The following BCAR3 variants were observed in gnomAD, a reference collection of about 807,000 sequenced individuals.
BCAR3 encodes BCAR3 adaptor protein, NSP family member.
In BCAR3, 37 loss-of-function variants were observed where a neutral mutation model predicts 80.1. The observed-to-expected ratio is 0.46, with a 90% confidence interval of 0.36 to 0.61. The LOEUF is 0.61. Among genes scored for constraint, BCAR3 ranks in the 20% least tolerant of loss-of-function variants. The pLI is 0.00. For missense variants in BCAR3, 978 were observed against 1,068.2 expected (o/e 0.92, Z 1.18); for synonymous variants, 389 against 418.9 (o/e 0.93, Z 0.87).
At chr1:93,637,560 A>T (rs1675832095) in intron 3 of BCAR3, among the ~76,000 whole-genome samples, 1 of 152,132 alleles carries the variant, frequency 6.6e-6, no homozygotes, top group Non-Finnish European at 1.5e-5. Context: ...AAAGAGTGGA[A>T]GTGAGCCTAG....
At chr1:93,834,675 T>G (rs1557704256) in intron 2 of BCAR3, among the ~76,000 whole-genome samples, 1 of 152,218 alleles carries the variant, frequency 6.6e-6, no homozygotes, top group Non-Finnish European at 1.5e-5. Context: ...GCCCTCAAAA[T>G]CACAAACTAT....
chr1:93,841,399 G>A (rs1654955570), intron 2 of BCAR3, among the ~76,000 whole-genome samples: 1 of 152,200 alleles, frequency 6.6e-6, no homozygotes, highest in African/African-American at 2.4e-5. Context: ...TTTTGTTTGT[G>A]CAGGGACAAG....
intron 3 of BCAR3, among the ~76,000 whole-genome samples, chr1:93,609,370 C>T (rs1557858754): frequency 6.6e-6 from 1 of 152,196 alleles, no homozygotes; most frequent in Admixed American, 6.5e-5. Flanking sequence ...CTGAGACTTA[C>T]TGATTCCATC....
chr1:93,638,614 T>C (rs1029676952), intron 3 of BCAR3, among the ~76,000 whole-genome samples: 2 of 152,160 alleles, frequency 1.3e-5, no homozygotes, highest in Non-Finnish European at 2.9e-5. Flanking sequence ...GGGTAAGGTA[T>C]GCTAGGTACG....
chr1:93,583,865 G>A (rs190129292), intron 6 of BCAR3, among the ~76,000 whole-genome samples, 153 bp downstream of exon 6: 6 of 152,296 alleles, frequency 3.9e-5, no homozygotes, highest in East Asian at 3.9e-4. Flanking sequence ...GTGCTTCGCC[G>A]CCGGATATAA....
intron 2 of BCAR3, among the ~76,000 whole-genome samples, chr1:93,839,223 G>A (rs919847399): frequency 6.6e-6 from 1 of 152,140 alleles, no homozygotes; most frequent in Non-Finnish European, 1.5e-5. Flanking sequence ...AATCGTGGAG[G>A]TTGCAGTGAG....
chr1:93,572,561 A>ATCTT (rs1217367355), intron 8 of BCAR3, among the ~76,000 whole-genome samples: 9 of 152,214 alleles, frequency 5.9e-5, no homozygotes, highest in Non-Finnish European at 1.0e-4. Context: ...AAGCAGGGTG[A>ATCTT]TCTTTTCTCC....
chr1:93,568,981 C>T (rs556920330), intron 9 of BCAR3, among the ~76,000 whole-genome samples: 13 of 152,146 alleles, frequency 8.5e-5, no homozygotes, highest in Non-Finnish European at 1.9e-4. Context: ...GACACCATGC[C>T]TGCTACTCAT....
Position 93,582,476 on chromosome 1 carries a change from A to G in BCAR3, c.1511T>C (p.Phe504Ser), listed in dbSNP as rs769691162. The change falls in exon 7 of 12, where the codon TTT (phenylalanine) becomes TCT (serine). Residue 504 changes from phenylalanine to serine, a missense_variant. Physicochemically the swap from Phe to Ser is radical, Grantham distance 155 (BLOSUM62 -2). Transcript: ENST00000260502. Reference protein sequence around the residue: ...MEKGQWDKGEFVTPLLETVSS... With the variant: ...MEKGQWDKGESVTPLLETVSS... ...GACAGTCTCCAGGAGGGGCGTCACA[A>G]ACTCGCCCTTGTCCCACTGCCCCTT... 55 of 1,614,006 alleles carry G rather than the reference A, an allele frequency of 3.4e-5. No individual in the cohort carries two copies. The highest frequency in any genetic ancestry group is 4.4e-5 in the Non-Finnish European group (52 of 1,180,014).
chr1:93,568,731 T>C (rs772333161), intron 9 of BCAR3, among the ~76,000 whole-genome samples: 3 of 152,242 alleles, frequency 2.0e-5, no homozygotes, highest in Non-Finnish European at 4.4e-5. Flanking sequence ...GCATTCAGTA[T>C]AAGTACATAT....
intron 3 of BCAR3, among the ~76,000 whole-genome samples, chr1:93,610,174 T>C (rs1475072092): frequency 6.6e-6 from 1 of 152,202 alleles, no homozygotes; most frequent in Non-Finnish European, 1.5e-5. Context: ...TGAAAGCCAA[T>C]GGGGAAATGT....
intron 1 of BCAR3, among the ~76,000 whole-genome samples, chr1:93,678,103 C>T (rs900319345): frequency 1.3e-5 from 2 of 152,114 alleles, no homozygotes; most frequent in Non-Finnish European, 2.9e-5. Flanking sequence ...CTCTGGGAAG[C>T]TTTTAAAATC....
At position 93,582,553 on chromosome 1, in the gene BCAR3, A is replaced by G. The variant is rs1442188983; in HGVS notation, c.1434T>C (p.Leu478=). 1.9e-6 allele frequency: 3 copies of G among 1,613,492 alleles called. No homozygotes were observed. Among genetic ancestry groups the G allele is most frequent in the Non-Finnish European group, 2.5e-6 (3 of 1,179,778 alleles). ...PRNSGVNYLI[L]DDDDRERPWE... ...AAGGTCTTTCCCTGTCATCATCATC[A>G]AGGATCAAGTAGTTGACGCCAGAGT... The change falls in exon 7 of 12, where the codon CTT becomes CTC. Residue 478 remains leucine (L), a synonymous_variant. Transcript: ENST00000260502.
At chr1:93,737,839 G>C (rs1241511250) in intron 2 of BCAR3, among the ~76,000 whole-genome samples, 1 of 152,070 alleles carries the variant, frequency 6.6e-6, no homozygotes, top group Non-Finnish European at 1.5e-5. Flanking sequence ...TGGGCTTGGG[G>C]TAATTTTTTT....
At chr1:93,648,617 G>A (rs1676222683) in intron 2 of BCAR3, 1 of 152,242 alleles carries the variant, frequency 6.6e-6, no homozygotes, top group African/African-American at 2.4e-5. Context: ...TCATCAGTCA[G>A]TGCTTGCTTA....
At chr1:93,732,495 A>G (rs1296693038) in intron 2 of BCAR3, among the ~76,000 whole-genome samples, 2 of 152,142 alleles carry the variant, frequency 1.3e-5, no homozygotes, top group African/African-American at 4.8e-5. Flanking sequence ...GGTGCCTGTA[A>G]TCCCAGCTAC....
chr1:93,642,183 T>C, intron 3 of BCAR3, 121 bp downstream of exon 3: 1 of 1,145,076 alleles, frequency 8.7e-7, no homozygotes, highest in Non-Finnish European at 1.3e-6. Flanking sequence ...CCCTGTTGTT[T>C]TGGAGAGTCT....
intron 2 of BCAR3, among the ~76,000 whole-genome samples, chr1:93,845,322 A>G (rs1655111330): frequency 6.6e-6 from 1 of 151,960 alleles, no homozygotes; most frequent in Admixed American, 6.6e-5. Context: ...TGCCTGGCAT[A>G]TTTCAGAATT....
chr1:93,683,720 A>G (rs1648881087), upstream of BCAR3, among the ~76,000 whole-genome samples: 1 of 152,242 alleles, frequency 6.6e-6, no homozygotes, highest in South Asian at 2.1e-4. Context: ...ATAAACTTCA[A>G]AAATAGTCAA....
Sources: allele counts gnomAD v4.1 joint callset (sites outside exome capture counted in the v4.1 genomes callset), GRCh38; gene constraint gnomAD v4.1.1; transcripts MANE v1.5; gene names NCBI Gene and HGNC (gene_info 2026-07-23, HGNC 2026-07-21).